The following INSL6 variants were observed in gnomAD, a reference collection of about 807,000 sequenced individuals.
INSL6 encodes insulin like 6, also known as insulin-like peptide INSL6.
In INSL6, 16 loss-of-function variants were observed where a neutral mutation model predicts 9.4. The ratio of observed to expected loss-of-function variants is 1.70; its 90% confidence interval spans 1.15 to 2.59. The LOEUF is 2.59. Among genes scored for constraint, INSL6 ranks in the 30% most tolerant of loss-of-function variants. INSL6 has a pLI of 0.00. For missense variants in INSL6, 391 were observed against 257.3 expected (o/e 1.52, Z -3.56); for synonymous variants, 154 against 96.9 (o/e 1.59, Z -3.46).
the INSL6 span, among the ~76,000 whole-genome samples, chr9:5,086,844 G>A: frequency 6.6e-6 from 1 of 152,104 alleles, no homozygotes; most frequent in African/African-American, 2.4e-5. Context: ...TTTCTAGAGA[G>A]CTTCTCATAG....
intron 1 of INSL6, among the ~76,000 whole-genome samples, chr9:5,179,645 C>A (rs1197521538): frequency 1.3e-5 from 2 of 152,180 alleles, no homozygotes; most frequent in Non-Finnish European, 2.9e-5. Context: ...ACACATACAC[C>A]ATGGAATACT....
At chr9:5,068,623 A>G in the INSL6 span, among the ~76,000 whole-genome samples, 1 of 152,252 alleles carries the variant, frequency 6.6e-6, no homozygotes, top group Non-Finnish European at 1.5e-5. Flanking sequence ...GTCATTTAAT[A>G]TGGCTGGAAC....
the INSL6 span, among the ~76,000 whole-genome samples, chr9:5,071,768 AGGAAACAGAGT>A: frequency 2.0e-5 from 3 of 152,346 alleles, no homozygotes; most frequent in Admixed American, 2.0e-4. Context: ...TGTGAGTAAC[AGGAAACAGAGT>A]GGCCAGGTAA....
At chr9:5,091,957 AATACTGTTAGTGATG>A in the INSL6 span, among the ~76,000 whole-genome samples, 3 of 152,092 alleles carry the variant, frequency 2.0e-5, no homozygotes, top group African/African-American at 7.2e-5. Context: ...AAGTAGGGAT[AATACTGTTAGTGATG>A]AGGAATCCGG....
the INSL6 span, among the ~76,000 whole-genome samples, chr9:5,016,877 T>C: frequency 6.6e-6 from 1 of 152,130 alleles, no homozygotes; most frequent in Non-Finnish European, 1.5e-5. Context: ...GCTAAAATAA[T>C]TTAGAGGGAA....
chr9:5,175,721 A>C (rs999603376), intron 1 of INSL6, among the ~76,000 whole-genome samples: 3 of 152,080 alleles, frequency 2.0e-5, no homozygotes, highest in Non-Finnish European at 2.9e-5. Context: ...TGTGAACCCT[A>C]TTGTGAACTG....
intron 2 of INSL6, among the ~76,000 whole-genome samples, chr9:5,149,496 T>C (rs1224353247): frequency 2.0e-5 from 3 of 152,150 alleles, no homozygotes; most frequent in Admixed American, 6.5e-5. Flanking sequence ...CTATTTGCAA[T>C]AGCTACAAAG....
chr9:5,112,318 C>T, the INSL6 span: 1 of 279,194 alleles, frequency 3.6e-6, no homozygotes, highest in Non-Finnish European at 6.9e-6. Context: ...GCTAGCCAGG[C>T]GCCCTCCCCG....
the INSL6 span, among the ~76,000 whole-genome samples, chr9:5,031,550 A>G: frequency 1.3e-5 from 2 of 152,228 alleles, no homozygotes; most frequent in African/African-American, 4.8e-5. Flanking sequence ...TTTATAATGT[A>G]TATCAGATAA....
At chr9:5,099,866 T>C in the INSL6 span, 2 of 152,212 alleles carry the variant, frequency 1.3e-5, no homozygotes, top group African/African-American at 4.8e-5. Flanking sequence ...AACCTGGGTA[T>C]AGCAATCCCC....
chr9:5,136,049 A>G (rs909432434), intron 2 of INSL6, among the ~76,000 whole-genome samples: 12 of 152,208 alleles, frequency 7.9e-5, no homozygotes. Context: ...TCCTGGACAC[A>G]TACACCCTCC....
In INSL6 at chr9:5,185,338, C is replaced by T. The variant is rs144467909; in HGVS notation, c.265G>A (p.Ala89Thr). Residue 89 changes from alanine (A) to threonine (T), a missense_variant, in exon 1 of 2, where the codon GCC becomes ACC. Physicochemically the swap from Ala to Thr is moderately conservative, Grantham distance 58. Transcript: ENST00000381641. ...CCTGGGTTTGTGCCTCTTCCCCGGG[C>T]CGGGGAAGCGGTTTGCGGGCTTTCG... ...QFESPQTASP[A>T]RGRGTNPVST... The T allele has an allele frequency of 4.2e-5, 67 of 1,613,992 alleles. No individual in the cohort carries two copies. Among genetic ancestry groups the T allele is most frequent in the Non-Finnish European group, 3.5e-5 (41 of 1,180,016 alleles).
rs1324148172 is a variant in INSL6, at chr9:5,185,637, A to G, written c.-35T>C. On this transcript the variant is annotated 5_prime_UTR_variant, in exon 1 of 2. Transcript: ENST00000381641. ...CCCAGGCTAGTCCTCCGCGTTGTGCAATGGCGGTCGGCCGGACCCTGCTCC... is the reference window on the plus strand; with the variant it reads ...CCCAGGCTAGTCCTCCGCGTTGTGCGATGGCGGTCGGCCGGACCCTGCTCC... 6.3e-7 allele frequency: 1 copy of G among 1,583,028 alleles called. No homozygotes were observed. The highest frequency in any genetic ancestry group is 1.8e-5 in the Admixed American group (1 of 55,596).
the INSL6 span, among the ~76,000 whole-genome samples, chr9:5,106,827 C>G: frequency 6.6e-6 from 1 of 152,138 alleles, no homozygotes; most frequent in Admixed American, 6.5e-5. Flanking sequence ...CATGTTCTCA[C>G]TCATAGGTGG....
chr9:5,000,861 G>T, the INSL6 span, among the ~76,000 whole-genome samples: 3 of 152,096 alleles, frequency 2.0e-5, no homozygotes, highest in Non-Finnish European at 4.4e-5. Context: ...ATAACGTATT[G>T]GTTGGTTTGC....
the INSL6 span, among the ~76,000 whole-genome samples, chr9:5,019,383 T>C: frequency 6.6e-6 from 1 of 152,132 alleles, no homozygotes; most frequent in Non-Finnish European, 1.5e-5. Flanking sequence ...TCTTGTTTTC[T>C]TTTTAAATGA....
At chr9:5,016,574 TA>T in the INSL6 span, among the ~76,000 whole-genome samples, 5 of 152,182 alleles carry the variant, frequency 3.3e-5, no homozygotes, top group African/African-American at 7.2e-5. Flanking sequence ...AATTGAAGTG[TA>T]ACACACAAAC....
At chr9:4,998,263 G>T in the INSL6 span, among the ~76,000 whole-genome samples, 431 of 151,966 alleles carry the variant, frequency 2.8e-3, no homozygotes, top group African/African-American at 1.0e-2. Flanking sequence ...GGGTTTTTTT[G>T]TTGTTGTTGT....
intron 1 of INSL6, among the ~76,000 whole-genome samples, chr9:5,168,411 C>G (rs532782912): frequency 6.6e-6 from 1 of 152,014 alleles, no homozygotes; most frequent in Admixed American, 6.5e-5. Context: ...AAACACAACA[C>G]GTGAACTTCA....
Sources: allele counts gnomAD v4.1 joint callset (sites outside exome capture counted in the v4.1 genomes callset), GRCh38; gene constraint gnomAD v4.1.1; transcripts MANE v1.5; gene names NCBI Gene and HGNC (gene_info 2026-07-23, HGNC 2026-07-21).